RIMBP2: variants seen among roughly 807,000 people sequenced by gnomAD.
RIMBP2 encodes the protein RIMS binding protein 2.
A neutral mutation model predicts 118.6 loss-of-function variants in RIMBP2; 48 were observed. The ratio of observed to expected loss-of-function variants is 0.40; its 90% CI spans 0.32 to 0.51. The LOEUF is 0.51. Among genes scored for constraint, RIMBP2 ranks in the 20% least tolerant of loss-of-function variants. RIMBP2 has a pLI of 0.41. For missense variants in RIMBP2, 1,551 were observed against 1,768.3 expected, an observed-to-expected ratio of 0.88 and a Z score of 2.20; for synonymous variants, 762 against 742.9, an observed-to-expected ratio of 1.03 and a Z score of -0.42.
chr12:130,704,910 G>A (rs1196274677), intron 1 of RIMBP2, among the ~76,000 whole-genome samples: 14 of 152,158 alleles, frequency 9.2e-5, no homozygotes, highest in African/African-American at 3.4e-4. Context: ...CTCCACGATG[G>A]TGGGGACAGT....
At chr12:130,694,831 A>T (rs1335570377) in intron 1 of RIMBP2, among the ~76,000 whole-genome samples, 1 of 152,206 alleles carries the variant, frequency 6.6e-6, no homozygotes, top group African/African-American at 2.4e-5. Flanking sequence ...CACATTGGAC[A>T]CGCGGACAGC....
At chr12:130,661,938 ATG>A (rs2136351362) in intron 1 of RIMBP2, among the ~76,000 whole-genome samples, 1 of 152,274 alleles carries the variant, frequency 6.6e-6, no homozygotes, top group South Asian at 2.1e-4. Flanking sequence ...CTATTTCTGT[ATG>A]TGTCACATGA....
At chr12:130,532,007 A>G (rs867391000) in intron 2 of RIMBP2, among the ~76,000 whole-genome samples, 90 of 54,080 alleles carry the variant, frequency 1.7e-3, no homozygotes, top group South Asian at 3.8e-3. Context: ...TGAGATGCGT[A>G]TGTTTAGCCT....
chr12:130,614,808 C>A (rs146740117), intron 2 of RIMBP2, among the ~76,000 whole-genome samples: 1 of 151,070 alleles, frequency 6.6e-6, no homozygotes, highest in East Asian at 1.9e-4. Flanking sequence ...ATGTTCATGA[C>A]GCACTTTTGA....
intron 1 of RIMBP2, among the ~76,000 whole-genome samples, chr12:130,650,247 T>C (rs1268622112): frequency 1.3e-5 from 2 of 152,078 alleles, no homozygotes; most frequent in African/African-American, 2.4e-5. Context: ...GGGTGCTGAC[T>C]CGTGCCCACC....
chr12:130,547,908 ATC>A (rs1379833967), intron 2 of RIMBP2, among the ~76,000 whole-genome samples: 1 of 152,206 alleles, frequency 6.6e-6, no homozygotes, highest in Non-Finnish European at 1.5e-5. Context: ...GAAAGGCCTA[ATC>A]TCTCTCTTTC....
At chr12:130,467,816 G>A (rs772234896) in intron 6 of RIMBP2, among the ~76,000 whole-genome samples, 1 of 152,146 alleles carries the variant, frequency 6.6e-6, no homozygotes, top group South Asian at 2.1e-4. Context: ...TACCCAGACA[G>A]CCTTGGGCAC....
At chr12:130,428,434 C>T (rs1197256874) in intron 14 of RIMBP2, 97 bp from the exon 15 acceptor site, 1 of 1,286,378 alleles carries the variant, frequency 7.8e-7, no homozygotes, top group Non-Finnish European at 1.1e-6. Flanking sequence ...GCTTCGCTGA[C>T]TCACGGGGCT....
At chr12:130,556,114 T>C (rs1332338811) in intron 2 of RIMBP2, among the ~76,000 whole-genome samples, 4 of 152,186 alleles carry the variant, frequency 2.6e-5, no homozygotes, top group East Asian at 3.8e-4. Flanking sequence ...GCTGCACTTG[T>C]GTTCCTGGTG....
chr12:130,406,057 G>C (rs2075142535), intron 21 of RIMBP2, 115 bp downstream of exon 21: 1 of 678,942 alleles, frequency 1.5e-6, no homozygotes, highest in Non-Finnish European at 2.6e-6. Context: ...CTATCAGCAG[G>C]CGTATGACGT....
Position 130,438,693 on chromosome 12 carries a change from G to A in RIMBP2, c.1505-177C>T, listed in dbSNP as rs139116012. ...TGTGGTGAGGTGGGAGGGTGGGGCC[G>A]GGGTACAGTCAGGTACCAGGATGCA... On this transcript the variant is annotated intron_variant, in intron 11 of 22. Coordinates refer to ENST00000690449, the MANE Select transcript of RIMBP2 (RefSeq NM_001393629.1). Among the ~76,000 whole-genome samples the A allele has an allele frequency of 1.3e-3, 192 of 152,286 alleles. 1 individual carries two copies. The highest frequency in any genetic ancestry group is 2.1e-3 in the Non-Finnish European group (142 of 68,016).
chr12:130,659,715 G>T (rs565782061), intron 1 of RIMBP2, among the ~76,000 whole-genome samples: 1 of 151,980 alleles, frequency 6.6e-6, no homozygotes, highest in East Asian at 1.9e-4. Flanking sequence ...GCTCATGCCC[G>T]TAATCCCAGC....
At chr12:130,470,023 C>T (rs1182159298) in intron 6 of RIMBP2, among the ~76,000 whole-genome samples, 1 of 152,200 alleles carries the variant, frequency 6.6e-6, no homozygotes, top group East Asian at 1.9e-4. Flanking sequence ...TGGCATTGGA[C>T]CAGGAGCCAG....
rs79565222 is a variant in RIMBP2 at position 130,469,834 on chromosome 12, C to T, written c.153+859G>A. Reference sequence around the variant, plus strand: ...GGGAGGACGCCACCCCAGGGCAGATCCCCTCCGAGGTAAATCTCTCCTTGA... The same window carrying T: ...GGGAGGACGCCACCCCAGGGCAGATTCCCTCCGAGGTAAATCTCTCCTTGA... On this transcript the variant is annotated intron_variant, in intron 6 of 22. Transcript: ENST00000690449. This position sits in a 1 kb window ranked among gnomAD's most constrained non-coding sequence, Gnocchi z 4.8. Among the ~76,000 whole-genome samples the T allele has an allele frequency of 1.0e-3, 159 of 152,278 alleles. 1 individual carries two copies. Among genetic ancestry groups the T allele is most frequent in the African/African-American group, 3.8e-3 (159 of 41,560 alleles).
intron 2 of RIMBP2, among the ~76,000 whole-genome samples, chr12:130,566,443 G>T (rs913321729): frequency 6.6e-6 from 1 of 152,214 alleles, no homozygotes. Flanking sequence ...GCTGTGATAC[G>T]TCGCTTCTGA....
intron 2 of RIMBP2, among the ~76,000 whole-genome samples, chr12:130,577,205 G>A (rs1394318152): frequency 6.6e-6 from 1 of 152,124 alleles, no homozygotes; most frequent in South Asian, 2.1e-4. Context: ...TGTAAAACAG[G>A]GATGGTAACG....
At position 130,703,761 on chromosome 12, in the gene RIMBP2, T is replaced by C. The variant is rs12311865; in HGVS notation, c.-352+12461A>G. 0.24 allele frequency among the ~76,000 whole-genome samples: 36,325 copies of C among 152,076 alleles called. 4,673 individuals are homozygous for C. The highest frequency in any genetic ancestry group is 0.37 in the South Asian group (1,803 of 4,818). Reference sequence around the variant, plus strand: ...TATTGGGAGTGCGTTTGAAACGGTGTTTCCTAGGGGAGAAGAAAGGAAAAC... The same window carrying C: ...TATTGGGAGTGCGTTTGAAACGGTGCTTCCTAGGGGAGAAGAAAGGAAAAC... On this transcript the variant is annotated intron_variant, in intron 1 of 22. Transcript: ENST00000690449. The surrounding 1 kb of genome is among the most constrained non-coding windows in gnomAD (Gnocchi z 5.7).
At chr12:130,663,910 C>A (rs936984318) in intron 1 of RIMBP2, among the ~76,000 whole-genome samples, 1 of 151,706 alleles carries the variant, frequency 6.6e-6, no homozygotes, top group Admixed American at 6.6e-5. Context: ...AATGCTCACA[C>A]ATACGAGGCA....
chr12:130,610,057 C>T (rs1056072048), intron 2 of RIMBP2, among the ~76,000 whole-genome samples: 1 of 152,240 alleles, frequency 6.6e-6, no homozygotes, highest in African/African-American at 2.4e-5. Context: ...CTGGGCATCC[C>T]TCAACCTAGT....
Sources: gnomAD v4.1 joint callset for allele counts (sites outside exome capture counted in the v4.1 genomes callset) on GRCh38, gnomAD v4.1.1 for gene constraint, Gnocchi (gnomAD v3.1) non-coding constraint, MANE v1.5 for transcripts, NCBI Gene and HGNC (gene_info 2026-07-23, HGNC 2026-07-21) for gene names.